Variants in ANKRD50 observed in about 807,000 individuals in gnomAD.
ANKRD50 encodes the protein ankyrin repeat domain-containing protein 50.
ANKRD50 carries 40 observed loss-of-function variants against 112.0 expected under a neutral mutation model. That is an observed-to-expected ratio of 0.36 (90% CI 0.28 to 0.46). The LOEUF (loss-of-function observed/expected upper bound fraction) is 0.46. Ranked by LOEUF, ANKRD50 falls within the 20% of genes least tolerant of loss-of-function variation. The pLI, the probability that ANKRD50 is intolerant of heterozygous loss-of-function variation, is 1.00. For synonymous variants in ANKRD50, 613 were observed against 619.1 expected, an observed-to-expected ratio of 0.99 and a Z score of 0.15; for missense variants, 1,487 against 1,701.7, an observed-to-expected ratio of 0.87 and a Z score of 2.22.
At chr4:124,707,577 G>C (rs770752891) in intron 2 of ANKRD50, among the ~76,000 whole-genome samples, 1 of 152,034 alleles carries the variant, frequency 6.6e-6, no homozygotes, top group Non-Finnish European at 1.5e-5. Context: ...TTAATATCAT[G>C]ATCAATTACT....
intron 2 of ANKRD50, among the ~76,000 whole-genome samples, chr4:124,682,625 G>C (rs1307947854): frequency 6.6e-6 from 1 of 151,940 alleles, no homozygotes; most frequent in East Asian, 1.9e-4. Flanking sequence ...TGTATCATTA[G>C]GAAATGACTC....
In ANKRD50 at chr4:124,684,316, C is replaced by T. The variant is rs183367959; in HGVS notation, c.513-5411G>A. Among the ~76,000 whole-genome samples the T allele has an allele frequency of 2.2e-3, 334 of 152,210 alleles. 1 individual carries two copies. The highest frequency in any genetic ancestry group is 7.7e-3 in the African/African-American group (321 of 41,522). ...TAGGCTGGCAAGAAGTCTCCTTATG[C>T]GTCAGAGTTATAGGTATAAACAATT... On this transcript the variant is annotated intron_variant, in intron 2 of 4. Coordinates refer to ENST00000504087, the MANE Select transcript of ANKRD50 (RefSeq NM_020337.3).
At chr4:124,705,555 T>C (rs1454617814) in intron 2 of ANKRD50, among the ~76,000 whole-genome samples, 1 of 152,186 alleles carries the variant, frequency 6.6e-6, no homozygotes, top group Non-Finnish European at 1.5e-5. Context: ...AAAATTTGTA[T>C]TTCCCAACAC....
At chr4:124,668,289 C>T (rs1000618355) in intron 4 of ANKRD50, among the ~76,000 whole-genome samples, 1 of 151,966 alleles carries the variant, frequency 6.6e-6, no homozygotes, top group African/African-American at 2.4e-5. Context: ...GCAAAAACAT[C>T]CATTTATCAT....
rs1560817608 is a variant in ANKRD50 at position 124,670,111 on chromosome 4, C to G, written c.3166G>C (p.Gly1056Arg). 1 of 1,613,266 alleles carries G rather than the reference C, an allele frequency of 6.2e-7. No individual in the cohort carries two copies. The highest frequency in any genetic ancestry group is 1.7e-5 in the Admixed American group (1 of 59,804). ...AAGACCTGAACAACATCAATGTGCC[C>G]TTCCTGGGCTGCAATACAGAGTGCA... is the stretch of plus-strand genomic sequence containing the variant. Reference protein sequence around the residue: ...ATALCIAAQEGHIDVVQVLLE... With the variant: ...ATALCIAAQERHIDVVQVLLE... Residue 1056 changes from glycine to arginine, a missense_variant, in exon 4 of 5, where the codon GGG becomes CGG. This residue lies in a region of ANKRD50 where 1,046 missense variants were observed against 1,269.5 expected (regional missense o/e 0.82). Coordinates refer to ENST00000504087, the MANE Select transcript of ANKRD50 (RefSeq NM_020337.3).
Position 124,672,388 on chromosome 4 carries a change from T to C in ANKRD50, c.889A>G (p.Ile297Val), listed in dbSNP as rs1479447148. 8 of 1,613,292 alleles carry C rather than the reference T, an allele frequency of 5.0e-6. No individual in the cohort carries two copies. Among genetic ancestry groups the C allele is most frequent in the Middle Eastern group, 1.7e-4 (1 of 6,058 alleles). The change falls in exon 4 of 5, where the codon ATT becomes GTT. Residue 297 changes from isoleucine (I) to valine (V), a missense_variant. By Grantham distance (29) the Ile-to-Val change is conservative. This residue lies in a region of ANKRD50 where 1,046 missense variants were observed against 1,269.5 expected (regional missense o/e 0.82). Transcript: ENST00000504087. ...ETAEMLNQLHIKSSGCFLYLE... is the reference protein window; with the variant it reads ...ETAEMLNQLHVKSSGCFLYLE... ...TAAAGAAAGCATCCACTGCTTTTAA[T>C]GTGCAGTTGATTTAACATCTCTGCA...
intron 2 of ANKRD50, among the ~76,000 whole-genome samples, chr4:124,683,540 C>T (rs1578580522): frequency 6.6e-6 from 1 of 151,222 alleles, no homozygotes; most frequent in Non-Finnish European, 1.5e-5. Context: ...TTTATGTACC[C>T]CTTCATGCTT....
intron 2 of ANKRD50, among the ~76,000 whole-genome samples, chr4:124,684,065 C>T (rs1029917375): frequency 1.3e-5 from 2 of 152,102 alleles, no homozygotes; most frequent in Non-Finnish European, 2.9e-5. Context: ...CTTCATGCAA[C>T]TGTTTAACTT....
In ANKRD50 at chr4:124,712,461, G is replaced by A. The variant is rs980483740; in HGVS notation, c.-767C>T. 2 of 156,978 alleles carry A rather than the reference G, an allele frequency of 1.3e-5. No individual in the cohort carries two copies. The highest frequency in any genetic ancestry group is 1.4e-5 in the Non-Finnish European group (1 of 72,444). The allele number at this position is 156,978 out of a possible 1,614,324, so 9.7% of individuals were successfully genotyped here. ...GCCGCCGCCGCCCCCCGGTTACCTC[G>A]GCCCCAGCCGCCGCCGTGGCCGCCG... is the stretch of plus-strand genomic sequence containing the variant. On this transcript the variant is annotated 5_prime_UTR_variant, in exon 1 of 5. Transcript: ENST00000504087.
intron 2 of ANKRD50, among the ~76,000 whole-genome samples, chr4:124,705,893 T>C (rs1170166005): frequency 6.6e-6 from 1 of 151,958 alleles, no homozygotes; most frequent in Non-Finnish European, 1.5e-5. Flanking sequence ...AATATAAACA[T>C]CAACTTAGTT....
chr4:124,688,739 A>G (rs1472539255), intron 2 of ANKRD50, among the ~76,000 whole-genome samples: 1 of 152,164 alleles, frequency 6.6e-6, no homozygotes, highest in Non-Finnish European at 1.5e-5. Flanking sequence ...TTAACACTGA[A>G]GTCAGCGAAG....
At chr4:124,701,214 C>T (rs566441726) in intron 2 of ANKRD50, among the ~76,000 whole-genome samples, 6 of 152,280 alleles carry the variant, frequency 3.9e-5, no homozygotes, top group South Asian at 4.1e-4. Context: ...CTGCCCGCCT[C>T]GGCCTCCCAA....
intron 2 of ANKRD50, among the ~76,000 whole-genome samples, chr4:124,691,087 T>G (rs1317352192): frequency 6.6e-6 from 1 of 152,136 alleles, no homozygotes; most frequent in African/African-American, 2.4e-5. Flanking sequence ...TAGAAAGAAA[T>G]AGAGGAAGAG....
intron 2 of ANKRD50, among the ~76,000 whole-genome samples, chr4:124,690,867 T>C (rs547032640): frequency 3.9e-5 from 6 of 152,318 alleles, no homozygotes; most frequent in South Asian, 4.2e-4. Context: ...AACGAATCAA[T>C]TGTGGCTCAT....
At chr4:124,679,847 C>G (rs1228905056) in intron 2 of ANKRD50, among the ~76,000 whole-genome samples, 1 of 152,186 alleles carries the variant, frequency 6.6e-6, no homozygotes, top group East Asian at 1.9e-4. Context: ...TTCTTCGTCT[C>G]TTTTACCTGG....
intron 2 of ANKRD50, among the ~76,000 whole-genome samples, chr4:124,689,605 T>C (rs1725085529): frequency 6.6e-6 from 1 of 152,158 alleles, no homozygotes; most frequent in Non-Finnish European, 1.5e-5. Context: ...GCAGTCCTTT[T>C]CTGCCTTTGG....
chr4:124,693,045 GA>G (rs2110520832), intron 2 of ANKRD50, among the ~76,000 whole-genome samples: 1 of 152,224 alleles, frequency 6.6e-6, no homozygotes, highest in South Asian at 2.1e-4. Flanking sequence ...GGCAGAAGAA[GA>G]AATAGAATTC....
Position 124,664,744 on chromosome 4 carries a change from TG to T in ANKRD50, c.*2773del, listed in dbSNP as rs1461474993. 18 of 152,238 alleles carry T rather than the reference TG, an allele frequency of 1.2e-4. No homozygotes were observed. The highest frequency in any genetic ancestry group is 3.3e-4 in the Admixed American group (5 of 15,246). 9.4% of individuals were successfully genotyped at this position (152,238 alleles called of 1,614,324 possible). On this transcript the variant is annotated 3_prime_UTR_variant, in exon 5 of 5. Transcript: ENST00000504087. ...CAATATTGAGAAAAGTATTTACTTCTGTTTTTTAAGTATCAAACTATTTTTG... is the reference window on the plus strand; with the variant it reads ...CAATATTGAGAAAAGTATTTACTTCTTTTTTTAAGTATCAAACTATTTTTG...
chr4:124,691,160 TTA>T (rs1435193393), intron 2 of ANKRD50, among the ~76,000 whole-genome samples: 6 of 152,262 alleles, frequency 3.9e-5, no homozygotes, highest in Non-Finnish European at 7.4e-5. Flanking sequence ...ATTCAAAATA[TTA>T]TGTTATTCTG....
Sources: allele counts gnomAD v4.1 joint callset (sites outside exome capture counted in the v4.1 genomes callset), GRCh38; gene constraint gnomAD v4.1.1; regional missense constraint gnomAD v4.1.1; transcripts MANE v1.5; gene names NCBI Gene and HGNC (gene_info 2026-07-23, HGNC 2026-07-21).